The following TFG variants were observed in gnomAD, a reference collection of about 807,000 sequenced individuals.
TFG encodes the protein protein TFG.
In TFG, 22 loss-of-function variants were observed where a neutral mutation model predicts 51.4. The ratio of observed to expected loss-of-function variants is 0.43; its 90% CI spans 0.31 to 0.61. The LOEUF is 0.61. Among genes scored for constraint, TFG ranks in the 20% least tolerant of loss-of-function variants. The pLI is 0.12. For missense variants in TFG, 419 were observed against 487.7 expected (o/e 0.86, Z 1.33); for synonymous variants, 187 against 165.6 (o/e 1.13, Z -0.99).
At chr3:100,721,159 G>A (rs922444386) in intron 3 of TFG, among the ~76,000 whole-genome samples, 5 of 152,148 alleles carry the variant, frequency 3.3e-5, no homozygotes, top group African/African-American at 9.7e-5. Flanking sequence ...TAGGCATAAA[G>A]CAGATTAGAT....
intron 1 of TFG, chr3:100,710,299 A>T (rs567204327): frequency 6.6e-6 from 1 of 152,224 alleles, no homozygotes; most frequent in Non-Finnish European, 1.5e-5. Context: ...CACTACAGTA[A>T]GTATTTTGGA....
chr3:100,713,340 AGG>A (rs1389908434), intron 1 of TFG, among the ~76,000 whole-genome samples: 1 of 152,228 alleles, frequency 6.6e-6, no homozygotes, highest in Non-Finnish European at 1.5e-5. Flanking sequence ...AGAAGCCTCT[AGG>A]AGAGGCAGGT....
At chr3:100,738,001 G>A (rs777058539) in intron 6 of TFG, among the ~76,000 whole-genome samples, 1 of 152,016 alleles carries the variant, frequency 6.6e-6, no homozygotes, top group African/African-American at 2.4e-5. Flanking sequence ...GAAGTGGGTG[G>A]TCTAGGCTGC....
At position 100,713,866 on chromosome 3, in the gene TFG, G is replaced by A; in HGVS notation, c.181G>A (p.Glu61Lys). ...NDEVTIKYKD[E>K]DGDLITIFDS... ...TGAAGTAACAATAAAGTATAAAGAT[G>A]AAGGTAAGAGTGTTTTTAAAGCTAT... is the stretch of plus-strand genomic sequence containing the variant. The change falls in exon 2 of 8, where the codon GAA becomes AAA. Residue 61 changes from glutamate (E) to lysine (K), a missense_variant. Glu to Lys is a moderately conservative substitution (Grantham distance 56, BLOSUM62 1). Coordinates refer to ENST00000240851, the MANE Select transcript of TFG (RefSeq NM_006070.6). 1 of 1,441,556 alleles carries A rather than the reference G, an allele frequency of 6.9e-7. No individual in the cohort carries two copies. The highest frequency in any genetic ancestry group is 1.5e-5 in the South Asian group (1 of 67,910). 89.3% of individuals were successfully genotyped at this position (1,441,556 alleles called of 1,614,324 possible). A position where few individuals can be genotyped will look rare whatever the true frequency, so the allele number is the denominator to read the frequency against.
At chr3:100,733,759 A>G (rs2095098273) in intron 5 of TFG, among the ~76,000 whole-genome samples, 1 of 152,114 alleles carries the variant, frequency 6.6e-6, no homozygotes, top group Admixed American at 6.6e-5. Flanking sequence ...GTTATTGTTG[A>G]TCTAGCAGGG....
intron 4 of TFG, 139 bp downstream of exon 4, chr3:100,728,997 A>G (rs2095083952): frequency 2.9e-6 from 2 of 697,210 alleles, no homozygotes; most frequent in East Asian, 6.1e-5. Flanking sequence ...ACTAGTATTT[A>G]TGTCTGTGTT....
At chr3:100,734,309 C>A (rs568001372) in intron 5 of TFG, among the ~76,000 whole-genome samples, 257 of 152,268 alleles carry the variant, frequency 1.7e-3, no homozygotes, top group Non-Finnish European at 2.9e-3. Context: ...CTAGGTGCTG[C>A]ATTTTTCTCT....
intron 6 of TFG, chr3:100,743,943 C>A (rs974136110): frequency 8.6e-5 from 13 of 151,718 alleles, no homozygotes; most frequent in African/African-American, 2.9e-4. Context: ...TATTAAAATG[C>A]AAGGTTATTG....
At chr3:100,745,055 AAAC>A (rs902151071) in intron 7 of TFG, 124 bp downstream of exon 7, 19 of 440,568 alleles carry the variant, frequency 4.3e-5, no homozygotes, top group African/African-American at 2.2e-4. Context: ...TTATTAGGGG[AAAC>A]AACATTTGTT....
At chr3:100,743,684 A>C (rs1310834468) in intron 6 of TFG, 1 of 152,156 alleles carries the variant, frequency 6.6e-6, no homozygotes, top group African/African-American at 2.4e-5. Flanking sequence ...AGCACTAAAA[A>C]CTTAGACACG....
intron 5 of TFG, among the ~76,000 whole-genome samples, chr3:100,735,015 T>C (rs10936349): frequency 0.67 from 102,178 of 151,948 alleles, 34,536 homozygotes; most frequent in South Asian, 0.83. Flanking sequence ...ATGGAATGAA[T>C]ATTAACTGTA....
intron 4 of TFG, among the ~76,000 whole-genome samples, chr3:100,732,187 A>G (rs1223631996): frequency 1.3e-5 from 2 of 152,138 alleles, no homozygotes; most frequent in African/African-American, 4.8e-5. Flanking sequence ...TGGGCTCCAA[A>G]AAAACCAAAA....
chr3:100,714,512 AT>A (rs2095040310), intron 2 of TFG, among the ~76,000 whole-genome samples: 1 of 152,160 alleles, frequency 6.6e-6, no homozygotes, highest in South Asian at 2.1e-4. Flanking sequence ...AAAAAAAAAA[AT>A]AGCTAATTGG....
At chr3:100,746,672 G>T (rs2095135775) in intron 7 of TFG, among the ~76,000 whole-genome samples, 1 of 152,014 alleles carries the variant, frequency 6.6e-6, no homozygotes, top group South Asian at 2.1e-4. Context: ...AGACTGGTGG[G>T]CTGCTAATGA....
intron 2 of TFG, among the ~76,000 whole-genome samples, chr3:100,717,232 T>G (rs1303806950): frequency 6.6e-6 from 1 of 152,192 alleles, no homozygotes; most frequent in Non-Finnish European, 1.5e-5. Flanking sequence ...GTTTGTTCTC[T>G]TGGTCAATGG....
rs143933645 is a variant in TFG, at chr3:100,739,247, G to T, written c.721+2531G>T. 3.4e-3 allele frequency among the ~76,000 whole-genome samples: 521 copies of T among 152,258 alleles called. 4 individuals are homozygous for T. The highest frequency in any genetic ancestry group is 5.0e-3 in the Non-Finnish European group (341 of 68,002). ...TTAACATAGCAATCTCTTACAATGTGTTAATAGTCCATACTAAAATTAAGA... is the reference window on the plus strand; with the variant it reads ...TTAACATAGCAATCTCTTACAATGTTTTAATAGTCCATACTAAAATTAAGA... On this transcript the variant is annotated intron_variant, in intron 6 of 7. Transcript: ENST00000240851.
chr3:100,721,042 GA>G (rs1170134477), intron 3 of TFG, among the ~76,000 whole-genome samples: 2 of 151,990 alleles, frequency 1.3e-5, no homozygotes, highest in Admixed American at 6.6e-5. Flanking sequence ...TAGGAAGGAT[GA>G]ATATGAATAA....
At position 100,713,805 on chromosome 3, in the gene TFG, G is replaced by A. The variant is rs1322408726; in HGVS notation, c.120G>A (p.Met40Ile). The A allele has an allele frequency of 6.3e-7, 1 of 1,598,544 alleles. No homozygotes were observed. Among genetic ancestry groups the A allele is most frequent in the African/African-American group, 1.3e-5 (1 of 74,636 alleles). Residue 40 changes from methionine to isoleucine, a missense_variant, in exon 2 of 8, where the codon ATG becomes ATA. By Grantham distance (10) the Met-to-Ile change is conservative. Coordinates refer to ENST00000240851, the MANE Select transcript of TFG (RefSeq NM_006070.6). ...CTTATGATGAATTAGTGCTAATGAT[G>A]CAACGAGTTTTCAGAGGAAAACTTC... ...DITYDELVLMMQRVFRGKLLS... is the reference protein window; with the variant it reads ...DITYDELVLMIQRVFRGKLLS...
chr3:100,713,649 T>C lies in TFG; in HGVS notation c.-37T>C. The C allele has an allele frequency of 2.1e-6, 3 of 1,416,664 alleles. No homozygotes were observed. Among genetic ancestry groups the C allele is most frequent in the Non-Finnish European group, 2.8e-6 (3 of 1,061,762 alleles). 87.8% of individuals were successfully genotyped at this position (1,416,664 alleles called of 1,614,324 possible). On this transcript the variant is annotated 5_prime_UTR_variant, in exon 2 of 8. Transcript: ENST00000240851. ...TCAAAACCACTTTTATCAGTCTTTCTCTAGAGTTGTATATATAGAACATCC... is the reference window on the plus strand; with the variant it reads ...TCAAAACCACTTTTATCAGTCTTTCCCTAGAGTTGTATATATAGAACATCC...
Sources: gnomAD v4.1 joint callset for allele counts (sites outside exome capture counted in the v4.1 genomes callset) on GRCh38, gnomAD v4.1.1 for gene constraint, MANE v1.5 for transcripts, NCBI Gene and HGNC (gene_info 2026-07-23, HGNC 2026-07-21) for gene names.